Variants in RAE1 observed in about 807,000 individuals in gnomAD.
RAE1 encodes the protein mRNA export factor RAE1.
A neutral mutation model predicts 52.7 loss-of-function variants in RAE1; 13 were observed. The observed-to-expected ratio is 0.25, with a 90% CI of 0.16 to 0.39. The LOEUF is 0.39. RAE1 is among the 10% of genes least tolerant of loss of function. The pLI is 1.00. For synonymous variants in RAE1, 164 were observed against 153.1 expected (o/e 1.07, Z -0.52); for missense variants, 262 against 459.8 (o/e 0.57, Z 3.93).
intron 3 of RAE1, among the ~76,000 whole-genome samples, chr20:57,355,768 G>A (rs769600212): frequency 1.3e-5 from 2 of 152,174 alleles, no homozygotes; most frequent in African/African-American, 2.4e-5. Flanking sequence ...GGGCAGCAGG[G>A]GTTAGGAGAA....
chr20:57,359,054 A>T (rs755078549), intron 4 of RAE1: 1 of 1,494,572 alleles, frequency 6.7e-7, no homozygotes, highest in South Asian at 1.3e-5. Context: ...TCAAGTCCCT[A>T]TTTAGAGAAC....
At chr20:57,353,211 G>A (rs2066736028) in intron 1 of RAE1, among the ~76,000 whole-genome samples, 1 of 152,198 alleles carries the variant, frequency 6.6e-6, no homozygotes, top group African/African-American at 2.4e-5. Flanking sequence ...GAAAAAAGAA[G>A]GGAAAAGTCG....
intron 1 of RAE1, among the ~76,000 whole-genome samples, chr20:57,352,167 A>T (rs377325878): frequency 1.3e-5 from 2 of 151,734 alleles, no homozygotes; most frequent in African/African-American, 2.4e-5. Context: ...ATTGAAGTAT[A>T]AAATAACATT....
chr20:57,367,034 T>C lies in RAE1; in HGVS notation c.489T>C (p.Pro163=), dbSNP rs768377661. ...TTTGGGATACTCGATCGTCAAATCC[T>C]ATGATGGTTTTGCAACTCCCTGAAA... ...LKFWDTRSSN[P]MMVLQLPERC... is the part of the protein sequence containing the mutation. Residue 163 remains proline, a synonymous_variant, in exon 7 of 12, where the codon CCT becomes CCC. Transcript: ENST00000395841. 3 of 1,610,386 alleles carry C rather than the reference T, an allele frequency of 1.9e-6. No individual in the cohort carries two copies. Among genetic ancestry groups the C allele is most frequent in the Non-Finnish European group, 2.5e-6 (3 of 1,176,552 alleles).
rs2066994078 is a variant in RAE1, at chr20:57,368,831, C to G, written c.642+19C>G. The G allele has an allele frequency of 2.5e-6, 4 of 1,577,280 alleles. No individual in the cohort carries two copies. Among genetic ancestry groups the G allele is most frequent in the Non-Finnish European group, 3.5e-6 (4 of 1,149,532 alleles). Reference sequence around the variant, plus strand: ...ACATCAGGTGCGTCATTAGTCAAATCAAGAAGTATGTATTTAGCACCTGTT... The same window carrying G: ...ACATCAGGTGCGTCATTAGTCAAATGAAGAAGTATGTATTTAGCACCTGTT... On this transcript the variant is annotated intron_variant, in intron 8 of 11. Coordinates refer to ENST00000395841, the MANE Select transcript of RAE1 (RefSeq NM_003610.4).
intron 11 of RAE1, among the ~76,000 whole-genome samples, chr20:57,377,213 A>G (rs1342662040): frequency 1.3e-5 from 2 of 152,214 alleles, no homozygotes; most frequent in Non-Finnish European, 2.9e-5. Context: ...TCATCAGAGT[A>G]CAGGTGACAG....
intron 4 of RAE1, among the ~76,000 whole-genome samples, chr20:57,364,206 T>C (rs1050136914): frequency 3.3e-5 from 5 of 152,352 alleles, no homozygotes; most frequent in African/African-American, 1.2e-4. Context: ...TTGAAGCAGG[T>C]AGACTTAGAG....
At chr20:57,367,872 A>T (rs1057254550) in intron 7 of RAE1, among the ~76,000 whole-genome samples, 1 of 152,080 alleles carries the variant, frequency 6.6e-6, no homozygotes, top group African/African-American at 2.4e-5. Flanking sequence ...AATCATAGAT[A>T]CAGATGGTCT....
intron 4 of RAE1, among the ~76,000 whole-genome samples, chr20:57,361,558 G>A (rs979462825): frequency 2.0e-5 from 3 of 152,152 alleles, no homozygotes; most frequent in African/African-American, 2.4e-5. Flanking sequence ...ACGTGCATGC[G>A]TGAGCATCTA....
intron 4 of RAE1, among the ~76,000 whole-genome samples, chr20:57,357,214 A>G (rs549532721): frequency 9.2e-5 from 14 of 152,332 alleles, no homozygotes; most frequent in South Asian, 2.1e-4. Context: ...TGTTCTAGAT[A>G]TAGAACAGAT....
intron 1 of RAE1, 159 bp downstream of exon 1, chr20:57,351,581 G>A (rs2066709445): frequency 1.0e-6 from 1 of 985,430 alleles, no homozygotes; most frequent in African/African-American, 1.7e-5. Flanking sequence ...GTCAGAGCTG[G>A]AAATGGCCTT....
At chr20:57,366,673 A>G in intron 5 of RAE1, 134 bp from the exon 6 acceptor site, 1 of 793,118 alleles carries the variant, frequency 1.3e-6, no homozygotes, top group Non-Finnish European at 2.2e-6. Context: ...GTAAAATGCT[A>G]AGTATGTTTT....
At chr20:57,367,159 T>G in intron 7 of RAE1, 80 bp downstream of exon 7, 1 of 1,203,976 alleles carries the variant, frequency 8.3e-7, no homozygotes. Context: ...GTCCTGCAGT[T>G]AGTGAGTGGA....
chr20:57,378,303 T>G lies in RAE1; in HGVS notation c.*204T>G. On this transcript the variant is annotated 3_prime_UTR_variant, in exon 12 of 12. Transcript: ENST00000395841. ...TCCATTCCACTGCCTGTTGCAGAGT[T>G]TTTCTGTAACTAAGGGGGTTGAGGT... 1 of 529,810 alleles carries G rather than the reference T, an allele frequency of 1.9e-6. No individual in the cohort carries two copies. The allele number at this position is 529,810 out of a possible 1,614,324, so 32.8% of individuals were successfully genotyped here.
At chr20:57,359,981 GC>G (rs1259830591) in intron 4 of RAE1, 1 of 152,158 alleles carries the variant, frequency 6.6e-6, no homozygotes, top group East Asian at 1.9e-4. Context: ...GAGGTTTGGG[GC>G]TAGAGTTGTC....
At chr20:57,373,453 C>G (rs1427187082) in intron 8 of RAE1, 22 bp from the exon 9 acceptor site, 1 of 1,594,452 alleles carries the variant, frequency 6.3e-7, no homozygotes. Context: ...GTGATTATGT[C>G]TCTTTTTTAT....
chr20:57,360,372 A>C (rs966603692), intron 4 of RAE1, among the ~76,000 whole-genome samples: 4 of 152,170 alleles, frequency 2.6e-5, no homozygotes, highest in Non-Finnish European at 5.9e-5. Flanking sequence ...TGCTTACTCT[A>C]TAACCTTTTT....
chr20:57,373,722 C>T lies in RAE1; in HGVS notation c.809C>T (p.Pro270Leu), dbSNP rs758063164. Residue 270 changes from proline (P) to leucine (L), a missense_variant, in exon 10 of 12, where the codon CCT becomes CTT. Pro to Leu is a moderately conservative substitution (Grantham distance 98). Transcript: ENST00000395841. ...HRSNGTNTSA[P>L]QDIYAVNGIA... The stretch of plus-strand genomic sequence containing the variant: ...TCTAATGGAACCAACACTTCAGCTC[C>T]TCAGGACATTTATGCGGTACGTTTT... 6 of 1,613,874 alleles carry T rather than the reference C, an allele frequency of 3.7e-6. No individual in the cohort carries two copies. The South Asian group carries it at 4.4e-5, about 12-fold the overall frequency.
intron 5 of RAE1, among the ~76,000 whole-genome samples, chr20:57,366,514 C>G (rs762069005): frequency 6.6e-6 from 1 of 152,172 alleles, no homozygotes; most frequent in African/African-American, 2.4e-5. Flanking sequence ...TCTCAGAGAA[C>G]TCACTATTGT....
Sources: gnomAD v4.1 joint callset for allele counts (sites outside exome capture counted in the v4.1 genomes callset) on GRCh38, gnomAD v4.1.1 for gene constraint, MANE v1.5 for transcripts, NCBI Gene and HGNC (gene_info 2026-07-23, HGNC 2026-07-21) for gene names.